The following NBAS variants were observed in gnomAD, a reference collection of about 807,000 sequenced individuals.
The protein encoded by NBAS is NBAS subunit of NRZ tethering complex.
A neutral mutation model predicts 302.5 loss-of-function variants in NBAS; 219 were observed. The ratio of observed to expected loss-of-function variants is 0.72; its 90% CI spans 0.65 to 0.81. The LOEUF (loss-of-function observed/expected upper bound fraction) is 0.81. NBAS is among the 30% of genes least tolerant of loss of function. The pLI, the probability that NBAS is intolerant of heterozygous loss-of-function variation, is 0.00. For synonymous variants in NBAS, 1,118 were observed against 1,021.6 expected, an observed-to-expected ratio of 1.09 and a Z score of -1.80; for missense variants, 2,932 against 2,841.6, an observed-to-expected ratio of 1.03 and a Z score of -0.72.
chr2:15,064,072 G>C, the NBAS span, among the ~76,000 whole-genome samples: 1 of 152,170 alleles, frequency 6.6e-6, no homozygotes, highest in Non-Finnish European at 1.5e-5. Flanking sequence ...TGTTGTGAAA[G>C]TTTGATGTTT....
the NBAS span, among the ~76,000 whole-genome samples, chr2:14,906,181 C>T: frequency 1.3e-5 from 2 of 152,188 alleles, no homozygotes; most frequent in Non-Finnish European, 2.9e-5. Context: ...GCAGCAGCCA[C>T]CGCCACAGCA....
the NBAS span, among the ~76,000 whole-genome samples, chr2:15,045,189 T>C: frequency 2.6e-5 from 4 of 152,338 alleles, no homozygotes; most frequent in Admixed American, 6.5e-5. Context: ...TGTGAGGCAC[T>C]GTGCTGGGAT....
At chr2:15,531,685 C>T (rs1166303724) in intron 9 of NBAS, among the ~76,000 whole-genome samples, 7 of 151,646 alleles carry the variant, frequency 4.6e-5, no homozygotes, top group Admixed American at 4.6e-4. Flanking sequence ...TTCAGCCTAA[C>T]TGTCTTCACT....
chr2:15,338,350 C>T (rs1672687774), intron 35 of NBAS, among the ~76,000 whole-genome samples: 2 of 152,106 alleles, frequency 1.3e-5, no homozygotes, highest in African/African-American at 4.8e-5. Flanking sequence ...CTTAAATAAC[C>T]CAAAGTACTT....
chr2:15,535,751 C>G (rs1443022470), intron 8 of NBAS, among the ~76,000 whole-genome samples: 1 of 152,004 alleles, frequency 6.6e-6, no homozygotes, highest in Admixed American at 6.5e-5. Context: ...AATACAGACA[C>G]AATTTTTGAA....
At chr2:14,804,321 C>T in the NBAS span, among the ~76,000 whole-genome samples, 6 of 152,156 alleles carry the variant, frequency 3.9e-5, no homozygotes, top group African/African-American at 1.4e-4. Flanking sequence ...TTACAATGGC[C>T]CCCAAGCATA....
the NBAS span, among the ~76,000 whole-genome samples, chr2:15,044,471 A>G: frequency 1.4e-4 from 21 of 152,228 alleles, no homozygotes; most frequent in African/African-American, 5.1e-4. Flanking sequence ...AATAAACACA[A>G]TCTGCAGGAA....
At chr2:14,951,017 C>T in the NBAS span, among the ~76,000 whole-genome samples, 3 of 152,100 alleles carry the variant, frequency 2.0e-5, no homozygotes, top group African/African-American at 4.8e-5. Context: ...GCCAAAAGTA[C>T]TCACCCTCAA....
intron 12 of NBAS, among the ~76,000 whole-genome samples, chr2:15,482,487 C>T (rs1405858542): frequency 3.3e-5 from 5 of 152,142 alleles, no homozygotes; most frequent in Non-Finnish European, 5.9e-5. Context: ...ATGCTTCTCT[C>T]GTTAACCTGT....
chr2:14,783,580 T>C, the NBAS span, among the ~76,000 whole-genome samples: 1 of 150,796 alleles, frequency 6.6e-6, no homozygotes, highest in African/African-American at 2.4e-5. Flanking sequence ...GTTTGGTTTT[T>C]TGTCCTTGCA....
chr2:15,435,279 C>A (rs1677956595), intron 21 of NBAS, among the ~76,000 whole-genome samples: 1 of 152,130 alleles, frequency 6.6e-6, no homozygotes, highest in Non-Finnish European at 1.5e-5. Context: ...ATGCAGACCC[C>A]AAGCCAAAGG....
At chr2:15,038,714 C>CCTAA in the NBAS span, among the ~76,000 whole-genome samples, 124,762 of 151,934 alleles carry the variant, frequency 0.82, 51,585 homozygotes, top group East Asian at 1. Context: ...GCAGCAGTAG[C>CCTAA]CTATTTCCAA....
In NBAS at chr2:15,466,182, C is replaced by T. The variant is rs181149524; in HGVS notation, c.2097+1147G>A. On this transcript the variant is annotated intron_variant, in intron 19 of 51. Coordinates refer to ENST00000281513, the MANE Select transcript of NBAS (RefSeq NM_015909.4). ...AATTATATTAGCAGGGTGGGGGAATCGAAGGCTTTTGGATTTGCCTGCATG... is the reference window on the plus strand; with the variant it reads ...AATTATATTAGCAGGGTGGGGGAATTGAAGGCTTTTGGATTTGCCTGCATG... Among the ~76,000 whole-genome samples, 295 of 152,080 alleles carry T rather than the reference C, an allele frequency of 1.9e-3. 1 individual carries two copies. The highest frequency in any genetic ancestry group is 6.0e-3 in the African/African-American group (251 of 41,494).
chr2:15,071,178 C>T, the NBAS span, among the ~76,000 whole-genome samples: 40,316 of 152,140 alleles, frequency 0.26, 5,694 homozygotes, highest in African/African-American at 0.36. Flanking sequence ...CTCGGTAAGA[C>T]TAACGCTTGA....
chr2:14,794,190 C>T, the NBAS span, among the ~76,000 whole-genome samples: 1 of 152,166 alleles, frequency 6.6e-6, no homozygotes, highest in South Asian at 2.1e-4. Context: ...CAATATCCTG[C>T]CATTTCCCCT....
intron 40 of NBAS, among the ~76,000 whole-genome samples, chr2:15,301,202 G>C (rs1204726924): frequency 6.6e-6 from 1 of 152,116 alleles, no homozygotes; most frequent in African/African-American, 2.4e-5. Context: ...CGCTGTCCAA[G>C]TAAAAAGCAG....
At chr2:15,262,432 T>G (rs531410742) in intron 44 of NBAS, among the ~76,000 whole-genome samples, 1 of 152,316 alleles carries the variant, frequency 6.6e-6, no homozygotes, top group Non-Finnish European at 1.5e-5. Flanking sequence ...TACTTGTGTC[T>G]AAAAACACTC....
chr2:14,943,276 T>G, the NBAS span, among the ~76,000 whole-genome samples: 1 of 152,348 alleles, frequency 6.6e-6, no homozygotes, highest in South Asian at 2.1e-4. Context: ...AACCACTTTA[T>G]CCCCTTAATT....
chr2:14,848,416 G>A, the NBAS span, among the ~76,000 whole-genome samples: 31 of 141,912 alleles, frequency 2.2e-4, no homozygotes, highest in East Asian at 2.9e-3. Flanking sequence ...CACCTGGCTC[G>A]GAGGGTCCTA....
Sources: gnomAD v4.1 joint callset for allele counts (sites outside exome capture counted in the v4.1 genomes callset) on GRCh38, gnomAD v4.1.1 for gene constraint, MANE v1.5 for transcripts, NCBI Gene and HGNC (gene_info 2026-07-23, HGNC 2026-07-21) for gene names.